SPTLC1: variants seen among roughly 807,000 people sequenced by gnomAD.
SPTLC1 encodes the protein serine palmitoyltransferase 1.
Under a neutral mutation model 68.9 loss-of-function variants are expected in SPTLC1, and 55 were observed. The observed-to-expected ratio is 0.80, with a 90% CI of 0.64 to 1.00. The LOEUF is 1.00. SPTLC1 is among the 50% of genes least tolerant of loss of function. The pLI is 0.00. For synonymous variants in SPTLC1, 197 were observed against 201.6 expected (o/e 0.98, Z 0.19); for missense variants, 449 against 573.1 (o/e 0.78, Z 2.21).
intron 14 of SPTLC1, 115 bp downstream of exon 14, chr9:92,034,695 G>T: frequency 1.2e-6 from 1 of 850,384 alleles, no homozygotes; most frequent in Non-Finnish European, 2.0e-6. Context: ...ATATTTTAAT[G>T]ACAGATATTC....
chr9:92,079,016 A>G, intron 5 of SPTLC1: 1 of 960,940 alleles, frequency 1.0e-6, no homozygotes, highest in Non-Finnish European at 1.2e-6. Context: ...TACTTTCCCC[A>G]CACTGTGTCA....
intron 8 of SPTLC1, among the ~76,000 whole-genome samples, chr9:92,051,878 A>C (rs1439748915): frequency 3.3e-5 from 5 of 152,204 alleles, no homozygotes; most frequent in Non-Finnish European, 1.5e-5. Flanking sequence ...AAAATCAAAT[A>C]CTTAGTGATA....
chr9:92,092,146 T>A (rs1226403624), intron 3 of SPTLC1, among the ~76,000 whole-genome samples: 1 of 152,174 alleles, frequency 6.6e-6, no homozygotes, highest in Admixed American at 6.5e-5. Context: ...TTAAAGTGCT[T>A]GATGTAATGG....
intron 3 of SPTLC1, among the ~76,000 whole-genome samples, chr9:92,101,834 G>A (rs2118790016): frequency 6.6e-6 from 1 of 151,712 alleles, no homozygotes; most frequent in African/African-American, 2.4e-5. Context: ...AAATATAGAA[G>A]AGAAACAGAG....
intron 3 of SPTLC1, among the ~76,000 whole-genome samples, chr9:92,088,319 A>G (rs531130034): frequency 6.6e-6 from 1 of 152,364 alleles, no homozygotes; most frequent in African/African-American, 2.4e-5. Flanking sequence ...GGAAATGCAG[A>G]AATCACCCGT....
At chr9:92,050,378 A>C (rs1442576916) in intron 8 of SPTLC1, 2 of 316,180 alleles carry the variant, frequency 6.3e-6, no homozygotes. Flanking sequence ...TTCATGGCCT[A>C]TTTACTGCCA....
intron 5 of SPTLC1, among the ~76,000 whole-genome samples, chr9:92,072,685 C>T (rs914440759): frequency 1.3e-5 from 2 of 152,050 alleles, no homozygotes; most frequent in Non-Finnish European, 2.9e-5. Context: ...CACGGCCTGG[C>T]CCCAATATAA....
At chr9:92,052,930 G>A (rs1833757457) in intron 8 of SPTLC1, among the ~76,000 whole-genome samples, 2 of 150,058 alleles carry the variant, frequency 1.3e-5, no homozygotes, top group Non-Finnish European at 3.0e-5. Context: ...GTGTGTCAAA[G>A]GACAGTATCA....
intron 5 of SPTLC1, chr9:92,077,074 C>G (rs1319883236): frequency 6.6e-6 from 1 of 152,206 alleles, no homozygotes; most frequent in Admixed American, 6.5e-5. Context: ...TTTAAAAACA[C>G]ACCTTACTAA....
At chr9:92,100,119 A>C (rs1835692553) in intron 3 of SPTLC1, among the ~76,000 whole-genome samples, 1 of 152,156 alleles carries the variant, frequency 6.6e-6, no homozygotes, top group Non-Finnish European at 1.5e-5. Flanking sequence ...CTTAACAAAA[A>C]AAAAAAAAAG....
chr9:92,039,961 T>C (rs1300791462), intron 12 of SPTLC1, among the ~76,000 whole-genome samples: 1 of 152,238 alleles, frequency 6.6e-6, no homozygotes, highest in African/African-American at 2.4e-5. Flanking sequence ...TTTACTAATG[T>C]AGAAACTAAG....
At chr9:92,056,522 G>A (rs576204585) in intron 7 of SPTLC1, among the ~76,000 whole-genome samples, 99 of 152,172 alleles carry the variant, frequency 6.5e-4, no homozygotes, top group African/African-American at 2.3e-3. Context: ...CACCACGCCC[G>A]GCAGAGATCT....
chr9:92,090,573 C>T (rs1835323015), intron 3 of SPTLC1, among the ~76,000 whole-genome samples: 1 of 151,650 alleles, frequency 6.6e-6, no homozygotes, highest in Admixed American at 6.6e-5. Context: ...GACGGTGCCA[C>T]TGCATTCCAG....
At chr9:92,093,595 CA>C (rs1393615247) in intron 3 of SPTLC1, among the ~76,000 whole-genome samples, 1 of 152,064 alleles carries the variant, frequency 6.6e-6, no homozygotes, top group East Asian at 1.9e-4. Flanking sequence ...TAACAAAATA[CA>C]AAGTATTTAC....
chr9:92,086,542 C>A (rs1271223642), intron 3 of SPTLC1, among the ~76,000 whole-genome samples: 5 of 151,934 alleles, frequency 3.3e-5, no homozygotes. Flanking sequence ...GTTGAAAATT[C>A]TTTTCTTTAA....
intron 8 of SPTLC1, among the ~76,000 whole-genome samples, chr9:92,052,591 G>A (rs1030235159): frequency 2.6e-5 from 4 of 151,338 alleles, no homozygotes; most frequent in Admixed American, 6.6e-5. Flanking sequence ...GTGCACTGGC[G>A]TGATCTCGGC....
intron 7 of SPTLC1, 107 bp from the exon 8 acceptor site, chr9:92,055,601 T>A (rs1587925242): frequency 1.1e-6 from 1 of 891,396 alleles, no homozygotes; most frequent in Non-Finnish European, 1.7e-6. Context: ...CCTAAAAAAA[T>A]ATTCTGAATG....
chr9:92,064,690 A>G (rs1834220843), intron 6 of SPTLC1, among the ~76,000 whole-genome samples: 1 of 152,216 alleles, frequency 6.6e-6, no homozygotes. Flanking sequence ...ATAACAGCAC[A>G]AAGCTGGCAA....
Position 92,034,899 on chromosome 9 carries a change from G to C in SPTLC1, c.1255-16C>G. 6.2e-7 allele frequency: 1 copy of C among 1,608,400 alleles called. No homozygotes were observed. Among genetic ancestry groups the C allele is most frequent in the Non-Finnish European group, 8.5e-7 (1 of 1,175,696 alleles). On this transcript the variant is annotated splice_polypyrimidine_tract_variant and intron_variant, in intron 13 of 14. Coordinates refer to ENST00000262554, the MANE Select transcript of SPTLC1 (RefSeq NM_006415.4). The stretch of plus-strand genomic sequence containing the variant: ...TGTTCATGCACTGTAGGAAGAAAAA[G>C]AAGACATCTGCAACCTGGACTTCAG...
Sources: allele counts gnomAD v4.1 joint callset (sites outside exome capture counted in the v4.1 genomes callset), GRCh38; gene constraint gnomAD v4.1.1; transcripts MANE v1.5; gene names NCBI Gene and HGNC (gene_info 2026-07-23, HGNC 2026-07-21).